The following MLLT10 variants were observed in gnomAD, a reference collection of about 807,000 sequenced individuals.
The protein encoded by MLLT10 is MLLT10 histone lysine methyltransferase DOT1L cofactor.
A neutral mutation model predicts 129.1 loss-of-function variants in MLLT10; 30 were observed. The observed-to-expected ratio is 0.23, with a 90% CI of 0.17 to 0.32. The LOEUF (loss-of-function observed/expected upper bound fraction) is 0.32. Ranked by LOEUF, MLLT10 falls within the 10% of genes least tolerant of loss-of-function variation. The pLI, the probability that MLLT10 is intolerant of heterozygous loss-of-function variation, is 1.00. For missense variants in MLLT10, 1,119 were observed against 1,268.3 expected (o/e 0.88, Z 1.79); for synonymous variants, 490 against 446.4 (o/e 1.10, Z -1.23).
chr10:21,734,143 G>A lies in MLLT10; in HGVS notation c.2858+14G>A, dbSNP rs781017237. 5.1e-6 allele frequency: 8 copies of A among 1,577,396 alleles called. No homozygotes were observed. The highest frequency in any genetic ancestry group is 1.7e-4 in the Middle Eastern group (1 of 5,880). ...ACTGACTAACAGGTAAGAAACTTAAGTATGTTTTGGGTTTTTTAGTATAAC... is the reference window on the plus strand; with the variant it reads ...ACTGACTAACAGGTAAGAAACTTAAATATGTTTTGGGTTTTTTAGTATAAC... On this transcript the variant is annotated intron_variant, in intron 20 of 22. Coordinates refer to ENST00000307729, the MANE Select transcript of MLLT10 (RefSeq NM_001195626.3).
At chr10:21,699,391 T>C (rs2054682474) in intron 13 of MLLT10, among the ~76,000 whole-genome samples, 1 of 152,196 alleles carries the variant, frequency 6.6e-6, no homozygotes, top group Non-Finnish European at 1.5e-5. Flanking sequence ...GTTTTTAGTT[T>C]AATGTAGTCC....
chr10:21,733,435 G>A (rs1366657725), intron 18 of MLLT10, 69 bp from the exon 19 acceptor site: 1 of 990,422 alleles, frequency 1.0e-6, no homozygotes, highest in African/African-American at 1.7e-5. Flanking sequence ...TTTTTAATAA[G>A]CCTTTAATCT....
chr10:21,646,280 TTCTG>T (rs2048466011), intron 8 of MLLT10, among the ~76,000 whole-genome samples: 1 of 152,214 alleles, frequency 6.6e-6, no homozygotes, highest in Non-Finnish European at 1.5e-5. Context: ...AAGCAGTTCA[TTCTG>T]GAACTAAACC....
chr10:21,567,817 T>G (rs533321066), intron 3 of MLLT10, among the ~76,000 whole-genome samples: 14 of 151,514 alleles, frequency 9.2e-5, no homozygotes, highest in South Asian at 4.2e-4. Context: ...TGTTGGGGCT[T>G]CTTCTTTTTT....
intron 14 of MLLT10, among the ~76,000 whole-genome samples, chr10:21,722,739 G>A (rs1483672508): frequency 6.6e-6 from 1 of 152,038 alleles, no homozygotes; most frequent in African/African-American, 2.4e-5. Context: ...TGGCTTGGAG[G>A]TACCCAGTCT....
At chr10:21,704,929 C>T (rs766409722) in intron 13 of MLLT10, among the ~76,000 whole-genome samples, 1 of 152,044 alleles carries the variant, frequency 6.6e-6, no homozygotes, top group Non-Finnish European at 1.5e-5. Flanking sequence ...AGTAGACCAG[C>T]CTTTGCACCT....
chr10:21,676,318 T>C (rs1398981683), intron 11 of MLLT10, among the ~76,000 whole-genome samples: 1 of 151,774 alleles, frequency 6.6e-6, no homozygotes, highest in Non-Finnish European at 1.5e-5. Flanking sequence ...TCGGAGAGGC[T>C]GAGGCAGGAG....
intron 3 of MLLT10, among the ~76,000 whole-genome samples, chr10:21,562,636 C>T (rs572419937): frequency 6.6e-6 from 1 of 151,882 alleles, no homozygotes; most frequent in Non-Finnish European, 1.5e-5. Flanking sequence ...CCACACCTGG[C>T]GTGGAGATTG....
chr10:21,702,912 C>A (rs1371625228), intron 13 of MLLT10, among the ~76,000 whole-genome samples: 1 of 152,090 alleles, frequency 6.6e-6, no homozygotes, highest in African/African-American at 2.4e-5. Context: ...AGAATTTAAT[C>A]CATTACATTT....
chr10:21,717,531 T>TCCA (rs1392031525), intron 14 of MLLT10, among the ~76,000 whole-genome samples: 1 of 116,388 alleles, frequency 8.6e-6, no homozygotes, highest in Non-Finnish European at 1.8e-5. Context: ...CTCCTCCTCC[T>TCCA]CCTCCTCCTC....
intron 14 of MLLT10, among the ~76,000 whole-genome samples, chr10:21,718,282 GT>G: frequency 6.6e-6 from 1 of 152,224 alleles, no homozygotes; most frequent in Non-Finnish European, 1.5e-5. Flanking sequence ...TAATAGAGTA[GT>G]TTCTTAACAT....
chr10:21,717,768 G>C (rs1329352788), intron 14 of MLLT10, among the ~76,000 whole-genome samples: 1 of 57,600 alleles, frequency 1.7e-5, no homozygotes, highest in Non-Finnish European at 3.2e-5. Flanking sequence ...CTCCTCCTCC[G>C]CTGCTGCTGC....
chr10:21,654,485 G>A (rs946745775), intron 9 of MLLT10, among the ~76,000 whole-genome samples: 1 of 152,158 alleles, frequency 6.6e-6, no homozygotes, highest in African/African-American at 2.4e-5. Context: ...AATGCTTTTA[G>A]TTGTGACGAT....
At chr10:21,733,196 G>C in intron 18 of MLLT10, 109 bp downstream of exon 18, 1 of 1,126,520 alleles carries the variant, frequency 8.9e-7, no homozygotes, top group Non-Finnish European at 1.2e-6. Flanking sequence ...TGTAGAAAAG[G>C]AACTATAGGT....
intron 3 of MLLT10, among the ~76,000 whole-genome samples, chr10:21,577,131 G>A (rs754003829): frequency 1.5e-4 from 23 of 152,182 alleles, no homozygotes; most frequent in Admixed American, 3.9e-4. Flanking sequence ...ATGATATATG[G>A]TGTATTGTGA....
chr10:21,678,780 T>C (rs2052445579), intron 11 of MLLT10, among the ~76,000 whole-genome samples: 2 of 152,212 alleles, frequency 1.3e-5, no homozygotes, highest in Non-Finnish European at 2.9e-5. Context: ...TTGGCAATGC[T>C]AATATAATCT....
chr10:21,601,697 T>A (rs531462874), intron 5 of MLLT10, among the ~76,000 whole-genome samples: 46 of 152,214 alleles, frequency 3.0e-4, no homozygotes, highest in South Asian at 6.2e-4. Context: ...CTAGTTTTTT[T>A]AAAAATATTG....
chr10:21,623,246 A>G (rs2046080673), intron 8 of MLLT10, among the ~76,000 whole-genome samples: 2 of 152,130 alleles, frequency 1.3e-5, no homozygotes, highest in Non-Finnish European at 2.9e-5. Flanking sequence ...TCACCCCTCA[A>G]CAGAGGTACC....
Position 21,740,443 on chromosome 10 carries a change from G to A in MLLT10, c.3162+207G>A, listed in dbSNP as rs544831454. Reference sequence around the variant, plus strand: ...TTTGAATTTGCACATTAGGTTTGAAGGCTGTTTTGTAATTCAGCAATTTTC... The same window carrying A: ...TTTGAATTTGCACATTAGGTTTGAAAGCTGTTTTGTAATTCAGCAATTTTC... On this transcript the variant is annotated intron_variant, in intron 22 of 22. Transcript: ENST00000307729. Among the ~76,000 whole-genome samples the A allele has an allele frequency of 1.8e-4, 28 of 152,274 alleles. No homozygotes were observed. In the South Asian group the frequency reaches 3.1e-3, roughly 17 times the overall value.
Sources: allele counts gnomAD v4.1 joint callset (sites outside exome capture counted in the v4.1 genomes callset), GRCh38; gene constraint gnomAD v4.1.1; transcripts MANE v1.5; gene names NCBI Gene and HGNC (gene_info 2026-07-23, HGNC 2026-07-21).